The following RSRC1 variants were observed in gnomAD, a reference collection of about 807,000 sequenced individuals.
RSRC1 encodes arginine and serine rich coiled-coil 1, also known as serine/Arginine-related protein 53.
RSRC1 carries 39 observed loss-of-function variants against 49.1 expected under a neutral mutation model. The observed-to-expected ratio is 0.79, with a 90% CI of 0.61 to 1.04. RSRC1 has a LOEUF of 1.04. Among genes scored for constraint, RSRC1 ranks in the 50% least tolerant of loss-of-function variants. RSRC1 has a pLI of 0.00. For missense variants in RSRC1, 388 were observed against 402.4 expected, an observed-to-expected ratio of 0.96 and a Z score of 0.31; for synonymous variants, 143 against 130.8, an observed-to-expected ratio of 1.09 and a Z score of -0.63.
intron 6 of RSRC1, among the ~76,000 whole-genome samples, chr3:158,400,649 C>T (rs1733850671): frequency 6.6e-6 from 1 of 151,322 alleles, no homozygotes; most frequent in African/African-American, 2.4e-5. Flanking sequence ...AAGGTTAACA[C>T]ATAAAGAAAA....
intron 4 of RSRC1, among the ~76,000 whole-genome samples, chr3:158,222,445 A>G (rs1158286214): frequency 2.0e-5 from 3 of 151,544 alleles, no homozygotes; most frequent in Non-Finnish European, 3.0e-5. Context: ...TAGTGTGTAT[A>G]TTAGCCCAGT....
intron 7 of RSRC1, among the ~76,000 whole-genome samples, chr3:158,504,797 T>A (rs963509014): frequency 1.3e-5 from 2 of 152,198 alleles, no homozygotes; most frequent in Admixed American, 1.3e-4. Context: ...ATGCCTATTA[T>A]GAAATAATCT....
At chr3:158,241,293 C>CAA (rs140303536) in intron 4 of RSRC1, among the ~76,000 whole-genome samples, 10 of 149,898 alleles carry the variant, frequency 6.7e-5, no homozygotes, top group Non-Finnish European at 1.3e-4. Flanking sequence ...ACTAAAAATA[C>CAA]AAAAAAAAAG....
chr3:158,425,655 G>C (rs908229332), intron 6 of RSRC1, among the ~76,000 whole-genome samples: 2 of 151,778 alleles, frequency 1.3e-5, no homozygotes, highest in Admixed American at 1.3e-4. Context: ...TTTCTGTCTC[G>C]TTGATCTGTC....
At chr3:158,460,370 C>G (rs1159786340) in intron 6 of RSRC1, among the ~76,000 whole-genome samples, 1 of 151,776 alleles carries the variant, frequency 6.6e-6, no homozygotes, top group African/African-American at 2.4e-5. Flanking sequence ...TGTTTGAAAA[C>G]CCCTGCAGTT....
chr3:158,118,049 C>T (rs892363393), intron 1 of RSRC1, among the ~76,000 whole-genome samples: 6 of 151,838 alleles, frequency 4.0e-5, no homozygotes, highest in Admixed American at 1.3e-4. Context: ...ACTTGGGCTC[C>T]GGTGATCCTC....
intron 6 of RSRC1, among the ~76,000 whole-genome samples, chr3:158,454,171 C>T (rs1226441676): frequency 1.3e-5 from 2 of 152,016 alleles, no homozygotes; most frequent in Admixed American, 6.6e-5. Flanking sequence ...TATATCTTCC[C>T]TCCATTCTTT....
intron 4 of RSRC1, among the ~76,000 whole-genome samples, chr3:158,229,342 A>G (rs1307775433): frequency 6.8e-6 from 1 of 147,896 alleles, no homozygotes; most frequent in African/African-American, 2.5e-5. Context: ...ATGTGTATGT[A>G]TGTATATATA....
At chr3:158,244,131 G>A (rs551100912) in intron 4 of RSRC1, among the ~76,000 whole-genome samples, 1 of 152,078 alleles carries the variant, frequency 6.6e-6, no homozygotes, top group South Asian at 2.1e-4. Context: ...TCCCTTGTCG[G>A]ATAATCCTGG....
chr3:158,304,791 G>A (rs138718145), intron 5 of RSRC1, among the ~76,000 whole-genome samples: 1 of 152,130 alleles, frequency 6.6e-6, no homozygotes, highest in Non-Finnish European at 1.5e-5. Context: ...TCCTCAAACT[G>A]TGATCATGAG....
In RSRC1 at chr3:158,501,592, G is replaced by A. The variant is rs561931594; in HGVS notation, c.653-35500G>A. ...TTCCTGTTGGACAAGGCCTTTTGTC[G>A]TTATATAATGTCCCTCTTCGTCTTT... On this transcript the variant is annotated intron_variant, in intron 7 of 9. Transcript: ENST00000611884. 1.4e-4 allele frequency among the ~76,000 whole-genome samples: 22 copies of A among 152,112 alleles called. 1 individual carries two copies. Among genetic ancestry groups the A allele is most frequent in the Middle Eastern group, 6.8e-3 (2 of 294 alleles).
At chr3:158,362,968 T>G (rs1271416183) in intron 6 of RSRC1, among the ~76,000 whole-genome samples, 2 of 152,220 alleles carry the variant, frequency 1.3e-5, no homozygotes, top group Non-Finnish European at 2.9e-5. Flanking sequence ...ATTTCTAATG[T>G]TATAAGAAAA....
At chr3:158,288,498 ATG>A (rs1382637583) in intron 4 of RSRC1, among the ~76,000 whole-genome samples, 1 of 152,146 alleles carries the variant, frequency 6.6e-6, no homozygotes, top group African/African-American at 2.4e-5. Flanking sequence ...TTGATTATGA[ATG>A]TTTGTCCTGC....
At chr3:158,317,601 C>T (rs956315298) in intron 5 of RSRC1, among the ~76,000 whole-genome samples, 1 of 151,556 alleles carries the variant, frequency 6.6e-6, no homozygotes, top group African/African-American at 2.4e-5. Flanking sequence ...CTCTGTCACC[C>T]ATGCAGGAGT....
chr3:158,364,816 A>AAATAATAATAATAATAATAATAAT (rs59055843), intron 6 of RSRC1, among the ~76,000 whole-genome samples: 27 of 144,210 alleles, frequency 1.9e-4, no homozygotes, highest in Non-Finnish European at 3.3e-4. Flanking sequence ...AGAATGGGAA[A>AAATAATAATAATAATAATAATAAT]AATAATAATA....
chr3:158,474,904 C>T (rs966151806), intron 7 of RSRC1, among the ~76,000 whole-genome samples: 1 of 148,588 alleles, frequency 6.7e-6, no homozygotes, highest in African/African-American at 2.5e-5. Flanking sequence ...TTATCACAGT[C>T]GTTGTTTTGG....
chr3:158,274,726 G>T (rs1183090621), intron 4 of RSRC1, among the ~76,000 whole-genome samples: 1 of 152,180 alleles, frequency 6.6e-6, no homozygotes, highest in African/African-American at 2.4e-5. Flanking sequence ...ATGCAATGTG[G>T]TGGTATACTT....
At chr3:158,508,464 T>TC (rs1028247712) in intron 7 of RSRC1, among the ~76,000 whole-genome samples, 2 of 152,112 alleles carry the variant, frequency 1.3e-5, no homozygotes, top group Admixed American at 1.3e-4. Flanking sequence ...GTCTGTGTCA[T>TC]ACATGTCGTA....
At chr3:158,183,323 A>C (rs994383100) in intron 3 of RSRC1, among the ~76,000 whole-genome samples, 1 of 152,124 alleles carries the variant, frequency 6.6e-6, no homozygotes, top group Non-Finnish European at 1.5e-5. Context: ...CTAAAATGAC[A>C]CTTTAAAGTT....
Sources: allele counts gnomAD v4.1 joint callset (sites outside exome capture counted in the v4.1 genomes callset), GRCh38; gene constraint gnomAD v4.1.1; transcripts MANE v1.5; gene names NCBI Gene and HGNC (gene_info 2026-07-23, HGNC 2026-07-21).